Variants in CANX observed in about 807,000 individuals in gnomAD.
The protein encoded by CANX is epididymis secretory sperm binding protein.
In CANX, 14 loss-of-function variants were observed where a neutral mutation model predicts 75.7. The ratio of observed to expected loss-of-function variants is 0.19; its 90% confidence interval spans 0.12 to 0.29. The LOEUF (loss-of-function observed/expected upper bound fraction) is 0.29, where lower values mean the gene tolerates loss of function less well. Among genes scored for constraint, CANX ranks in the 10% least tolerant of loss-of-function variants. CANX has a pLI of 1.00. For synonymous variants in CANX, 227 were observed against 236.9 expected, an observed-to-expected ratio of 0.96 and a Z score of 0.38; for missense variants, 567 against 713.2, an observed-to-expected ratio of 0.79 and a Z score of 2.34.
intron 9 of CANX, among the ~76,000 whole-genome samples, 183 bp downstream of exon 9, chr5:179,719,964 G>C (rs1020113118): frequency 1.4e-4 from 22 of 152,006 alleles, no homozygotes; most frequent in African/African-American, 4.1e-4. Context: ...TGGGATTACA[G>C]GTGTGTGCCA....
chr5:179,721,744 A>G (rs1323192269), intron 10 of CANX, among the ~76,000 whole-genome samples: 2 of 152,186 alleles, frequency 1.3e-5, no homozygotes, highest in African/African-American at 2.4e-5. Flanking sequence ...AAAATTATTT[A>G]TAATCTCTAC....
At chr5:179,711,785 CAAAAAA>C (rs71001042) in intron 7 of CANX, among the ~76,000 whole-genome samples, 1 of 105,286 alleles carries the variant, frequency 9.5e-6, no homozygotes. Context: ...GACTCTGTCT[CAAAAAA>C]AAAAAAAAAA....
intron 1 of CANX, among the ~76,000 whole-genome samples, chr5:179,701,905 C>T (rs1205085511): frequency 4.0e-5 from 6 of 151,588 alleles, no homozygotes; most frequent in Non-Finnish European, 7.4e-5. Flanking sequence ...ACACCCGGCC[C>T]GGTTTTTTGT....
At chr5:179,717,283 A>G (rs1009965607) in intron 8 of CANX, among the ~76,000 whole-genome samples, 1 of 152,220 alleles carries the variant, frequency 6.6e-6, no homozygotes, top group Non-Finnish European at 1.5e-5. Context: ...GGTGTATATT[A>G]GATTTGGACT....
upstream of CANX, chr5:179,698,268 C>A: frequency 2.9e-6 from 1 of 344,280 alleles, no homozygotes; most frequent in Non-Finnish European, 4.4e-6. Flanking sequence ...CACCTAATCT[C>A]ACTTCAGGAA....
At position 179,730,021 on chromosome 5, in the gene CANX, T is replaced by G. The variant is rs1449696067; in HGVS notation, c.*1377T>G. On this transcript the variant is annotated 3_prime_UTR_variant, in exon 15 of 15. Transcript: ENST00000247461. The stretch of plus-strand genomic sequence containing the variant: ...AATTTTTAAAAAAGTGATCTTAGGT[T>G]TGTTTTTTCATGCGGGATGCAGATG... 5 of 152,618 alleles carry G rather than the reference T, an allele frequency of 3.3e-5. No homozygotes were observed. Among genetic ancestry groups the G allele is most frequent in the Non-Finnish European group, 5.9e-5 (4 of 68,026 alleles). The allele number at this position is 152,618 out of a possible 1,614,324, so 9.5% of individuals were successfully genotyped here. A position where few individuals can be genotyped will look rare whatever the true frequency, so the allele number is the denominator to read the frequency against.
chr5:179,713,971 A>G (rs574878152), intron 7 of CANX, among the ~76,000 whole-genome samples: 1 of 151,878 alleles, frequency 6.6e-6, no homozygotes, highest in South Asian at 2.1e-4. Flanking sequence ...AATTACTGTG[A>G]TTTGTTTGTT....
chr5:179,723,831 T>G (rs1778470967), intron 12 of CANX, 52 bp downstream of exon 12: 2 of 1,487,502 alleles, frequency 1.3e-6, no homozygotes, highest in African/African-American at 2.8e-5. Context: ...CTCTAGTGAT[T>G]ATTAAAAATA....
At chr5:179,693,018 C>T (rs111568091) in intron 1 of CANX, among the ~76,000 whole-genome samples, 1,598 of 151,588 alleles carry the variant, frequency 0.011, 44 homozygotes, top group African/African-American at 0.036. Context: ...CAGTGGCAGG[C>T]GCCTGTAGTC....
intron 1 of CANX, chr5:179,678,990 C>A: frequency 6.5e-7 from 1 of 1,535,932 alleles, no homozygotes; most frequent in Non-Finnish European, 8.7e-7. Flanking sequence ...GTGTTGTGGT[C>A]CAGCAGGTAG....
intron 1 of CANX, among the ~76,000 whole-genome samples, chr5:179,682,372 C>G (rs976823166): frequency 2.0e-5 from 3 of 150,664 alleles, no homozygotes; most frequent in Admixed American, 1.3e-4. Context: ...GTCAGGAGAT[C>G]GAGATCATCC....
chr5:179,711,441 C>T (rs1777546633), intron 7 of CANX, among the ~76,000 whole-genome samples: 2 of 151,838 alleles, frequency 1.3e-5, no homozygotes, highest in African/African-American at 4.8e-5. Context: ...AACAAAAAAC[C>T]CAAAAAACTT....
chr5:179,714,134 G>T (rs1777764927), intron 7 of CANX, among the ~76,000 whole-genome samples: 2 of 152,130 alleles, frequency 1.3e-5, no homozygotes, highest in South Asian at 4.1e-4. Context: ...GAATAGTTGG[G>T]ACTATAGGCA....
intron 1 of CANX, among the ~76,000 whole-genome samples, chr5:179,702,543 A>G (rs964272235): frequency 1.3e-5 from 2 of 152,102 alleles, no homozygotes; most frequent in Non-Finnish European, 2.9e-5. Flanking sequence ...TTGAGATTGA[A>G]TAGTATTCCA....
At chr5:179,712,715 C>T (rs1039278195) in intron 7 of CANX, among the ~76,000 whole-genome samples, 4 of 149,518 alleles carry the variant, frequency 2.7e-5, no homozygotes, top group South Asian at 2.1e-4. Flanking sequence ...TGAGCCACCG[C>T]GCCTGGACTA....
At chr5:179,688,230 G>A (rs966780860) in intron 1 of CANX, among the ~76,000 whole-genome samples, 9 of 150,354 alleles carry the variant, frequency 6.0e-5, no homozygotes, top group South Asian at 2.1e-4. Flanking sequence ...GCTAATTTTT[G>A]TATTTTTAGA....
chr5:179,721,895 G>A (rs549823342), intron 10 of CANX, among the ~76,000 whole-genome samples: 1 of 152,052 alleles, frequency 6.6e-6, no homozygotes, highest in East Asian at 1.9e-4. Context: ...TCTTGGCATA[G>A]TATATGTATA....
upstream of CANX, chr5:179,694,737 G>A (rs1172970060): frequency 7.5e-6 from 5 of 665,002 alleles, no homozygotes; most frequent in Non-Finnish European, 1.4e-5. Flanking sequence ...GGAAGATGAA[G>A]ACGAGGAGGA....
Position 179,719,739 on chromosome 5 carries a change from C to T in CANX, c.983C>T (p.Pro328Leu). The part of the protein sequence containing the change: ...TKPEGWLDDE[P>L]EYVPDPDAEK... ...CCCGAAGGCTGGTTAGATGATGAGCCTGAGTACGTACCTGATCCAGACGCA... is the reference window on the plus strand; with the variant it reads ...CCCGAAGGCTGGTTAGATGATGAGCTTGAGTACGTACCTGATCCAGACGCA... Residue 328 changes from proline to leucine, a missense_variant, in exon 9 of 15, where the codon CCT becomes CTT. Transcript: ENST00000247461. 2 of 1,612,386 alleles carry T rather than the reference C, an allele frequency of 1.2e-6. No homozygotes were observed. Among genetic ancestry groups the T allele is most frequent in the Non-Finnish European group, 1.7e-6 (2 of 1,178,942 alleles).
Sources: gnomAD v4.1 joint callset for allele counts (sites outside exome capture counted in the v4.1 genomes callset) on GRCh38, gnomAD v4.1.1 for gene constraint, MANE v1.5 for transcripts, NCBI Gene and HGNC (gene_info 2026-07-23, HGNC 2026-07-21) for gene names.